Variants in ZFPM1 observed in about 807,000 individuals in gnomAD.
ZFPM1 encodes the protein zinc finger protein, FOG family member 1.
A neutral mutation model predicts 46.3 loss-of-function variants in ZFPM1; 28 were observed. The ratio of observed to expected loss-of-function variants is 0.60; its 90% CI spans 0.45 to 0.83. ZFPM1 has a LOEUF of 0.83. Ranked by LOEUF, ZFPM1 falls within the 40% of genes least tolerant of loss-of-function variation. ZFPM1 has a pLI of 0.00. For synonymous variants in ZFPM1, 957 were observed against 675.9 expected, an observed-to-expected ratio of 1.42 and a Z score of -6.45; for missense variants, 1,878 against 1,432.4, an observed-to-expected ratio of 1.31 and a Z score of -5.02.
intron 3 of ZFPM1, among the ~76,000 whole-genome samples, chr16:88,503,386 G>GC (rs1443922387): frequency 7.1e-6 from 1 of 141,422 alleles, no homozygotes; most frequent in African/African-American, 2.7e-5. Context: ...TGTCTGGGGG[G>GC]CCACGGTTCC....
chr16:88,485,852 G>C, intron 1 of ZFPM1, 87 bp from the exon 2 acceptor site: 1 of 1,296,098 alleles, frequency 7.7e-7, no homozygotes, highest in Non-Finnish European at 1.1e-6. Context: ...CCTGGGCACC[G>C]GGGCTGTACC....
chr16:88,495,136 C>T (rs1909864841), intron 3 of ZFPM1, among the ~76,000 whole-genome samples: 1 of 152,208 alleles, frequency 6.6e-6, no homozygotes, highest in Non-Finnish European at 1.5e-5. Flanking sequence ...GGCGCTCAGA[C>T]GTGCCAGCCC....
rs189448415 is a variant in ZFPM1, at chr16:88,518,073, C to T, written c.402+3553C>T. On this transcript the variant is annotated intron_variant, in intron 4 of 9. Transcript: ENST00000319555. ...AAAAAAAATTAGCCGGGCATGGTGGCGGGCGCCTGTAGCCCCAGCTACTCG... is the reference window on the plus strand; with the variant it reads ...AAAAAAAATTAGCCGGGCATGGTGGTGGGCGCCTGTAGCCCCAGCTACTCG... Among the ~76,000 whole-genome samples, 16 of 152,136 alleles carry T rather than the reference C, an allele frequency of 1.1e-4. 1 individual carries two copies. The highest frequency in any genetic ancestry group is 7.2e-4 in the Admixed American group (11 of 15,274).
At chr16:88,463,383 T>G (rs1293102503) in intron 1 of ZFPM1, among the ~76,000 whole-genome samples, 1 of 152,148 alleles carries the variant, frequency 6.6e-6, no homozygotes, top group Non-Finnish European at 1.5e-5. Flanking sequence ...AAGCCAAGAC[T>G]CAGAGCCATC....
chr16:88,511,590 G>A (rs891611089), intron 3 of ZFPM1, among the ~76,000 whole-genome samples: 1 of 152,140 alleles, frequency 6.6e-6, no homozygotes, highest in African/African-American at 2.4e-5. Flanking sequence ...TCCTCAGGAG[G>A]CACCCCATCT....
chr16:88,489,559 G>A lies in ZFPM1; in HGVS notation c.268+406G>A, dbSNP rs551012284. Among the ~76,000 whole-genome samples, 10 of 152,338 alleles carry A rather than the reference G, an allele frequency of 6.6e-5. No homozygotes were observed. In the East Asian group the frequency reaches 9.7e-4, roughly 15 times the overall value. On this transcript the variant is annotated intron_variant, in intron 3 of 9. Transcript: ENST00000319555. Reference sequence around the variant, plus strand: ...CCGGGATTCAGAGCTGTGCTGAGGTGCCCAGGCAGGCGGTCAGGCCTGAAG... The same window carrying A: ...CCGGGATTCAGAGCTGTGCTGAGGTACCCAGGCAGGCGGTCAGGCCTGAAG...
chr16:88,518,228 G>A (rs1381163596), intron 4 of ZFPM1, among the ~76,000 whole-genome samples: 1 of 152,000 alleles, frequency 6.6e-6, no homozygotes, highest in African/African-American at 2.4e-5. Flanking sequence ...ATGAGTGGGT[G>A]AATGCGTAGA....
Position 88,534,745 on chromosome 16 carries a change from G to A in ZFPM1, c.2787G>A (p.Pro929=). ...TCGGCCCGGAGCCCCAGGAGCCGCC[G>A]CCCGGCCCGCCCCCGTCCCCGGCCG... ...DGLGPEPQEP[P]PGPPPSPAAA... is the part of the protein sequence containing the mutation. The change falls in exon 10 of 10, where the codon CCG becomes CCA. Residue 929 remains proline, a synonymous_variant. Coordinates refer to ENST00000319555, the MANE Select transcript of ZFPM1 (RefSeq NM_153813.3). The A allele has an allele frequency of 1.0e-6, 1 of 998,658 alleles. No homozygotes were observed. The highest frequency in any genetic ancestry group is 9.9e-5 in the East Asian group (1 of 10,076). The allele number at this position is 998,658 out of a possible 1,614,324, so 61.9% of individuals were successfully genotyped here.
intron 3 of ZFPM1, among the ~76,000 whole-genome samples, chr16:88,493,533 C>T (rs1329391750): frequency 1.0e-5 from 1 of 98,726 alleles, no homozygotes; most frequent in Non-Finnish European, 2.1e-5. Context: ...GGAGCTGTCC[C>T]GGGGTGGGGA....
rs1567529355 is a variant in ZFPM1 at position 88,471,484 on chromosome 16, C to A, written c.41-14455C>A. On this transcript the variant is annotated intron_variant, in intron 1 of 9. Coordinates refer to ENST00000319555, the MANE Select transcript of ZFPM1 (RefSeq NM_153813.3). This position sits in a 1 kb window ranked among gnomAD's most constrained non-coding sequence, Gnocchi z 4.1. Reference sequence around the variant, plus strand: ...TGCTCACAGTGGGGGATGCCAGGACCCCGAGACGACCATGCCCACAGTGGC... The same window carrying A: ...TGCTCACAGTGGGGGATGCCAGGACACCGAGACGACCATGCCCACAGTGGC... Among the ~76,000 whole-genome samples the A allele has an allele frequency of 6.6e-6, 1 of 150,948 alleles. No individual in the cohort carries two copies. The highest frequency in any genetic ancestry group is 1.5e-5 in the Non-Finnish European group (1 of 67,992).
At chr16:88,473,933 C>T (rs1908544800) in intron 1 of ZFPM1, among the ~76,000 whole-genome samples, 2 of 152,160 alleles carry the variant, frequency 1.3e-5, no homozygotes, top group Admixed American at 1.3e-4. Context: ...GTTTAGTAAT[C>T]GGTTCTCCGG....
chr16:88,468,807 TG>T (rs554674266), intron 1 of ZFPM1: 163 of 152,510 alleles, frequency 1.1e-3, no homozygotes, highest in Non-Finnish European at 2.0e-3. Flanking sequence ...AGCTGCTGTG[TG>T]GGGGCAGGGC....
chr16:88,534,833 ACT>A lies in ZFPM1; in HGVS notation c.2877_2878del (p.Pro960GlnfsTer116). 1 of 1,546,136 alleles carries A rather than the reference ACT, an allele frequency of 6.5e-7. No homozygotes were observed. Among genetic ancestry groups the A allele is most frequent in the Non-Finnish European group, 8.7e-7 (1 of 1,153,752 alleles). Reference sequence around the variant, plus strand: ...CTCCTACTCGGACAAGGGCGTCCAGACTCCCAGCAAGGGCACGCCGGCGCCGC... The same window carrying A: ...CTCCTACTCGGACAAGGGCGTCCAGACCCAGCAAGGGCACGCCGGCGCCGC... ...PPSYSDKGVQ[T>X]PSKGTPAPLP... On this transcript the variant is annotated frameshift_variant, in exon 10 of 10. Coordinates refer to ENST00000319555, the MANE Select transcript of ZFPM1 (RefSeq NM_153813.3). LOFTEE classifies it low-confidence loss of function (END_TRUNC).
At chr16:88,505,674 C>A (rs76207867) in intron 3 of ZFPM1, among the ~76,000 whole-genome samples, 1 of 152,198 alleles carries the variant, frequency 6.6e-6, no homozygotes, top group African/African-American at 2.4e-5. Context: ...GCCAGCACCC[C>A]CTGCCGTCAG....
intron 3 of ZFPM1, among the ~76,000 whole-genome samples, chr16:88,490,091 T>C (rs1159853540): frequency 6.6e-6 from 1 of 151,472 alleles, no homozygotes; most frequent in Non-Finnish European, 1.5e-5. Flanking sequence ...TCTCACTCTG[T>C]CGCCCAGGCT....
chr16:88,510,386 G>C (rs3965782), intron 3 of ZFPM1, among the ~76,000 whole-genome samples: 2 of 152,150 alleles, frequency 1.3e-5, no homozygotes, highest in Non-Finnish European at 2.9e-5. Context: ...CCTGGTCCTC[G>C]GTCCCCCACT....
chr16:88,528,987 T>A (rs1912566703), intron 6 of ZFPM1, among the ~76,000 whole-genome samples: 1 of 151,974 alleles, frequency 6.6e-6, no homozygotes, highest in African/African-American at 2.4e-5. Flanking sequence ...GAATCATGAG[T>A]CACTCACCCC....
chr16:88,455,505 C>T (rs1907505593), intron 1 of ZFPM1, among the ~76,000 whole-genome samples: 1 of 151,984 alleles, frequency 6.6e-6, no homozygotes, highest in African/African-American at 2.4e-5. Flanking sequence ...TGATTGTCAC[C>T]AAGCGGCGGC....
chr16:88,467,487 C>T (rs76384389), intron 1 of ZFPM1, among the ~76,000 whole-genome samples: 7,563 of 152,334 alleles, frequency 0.05, 264 homozygotes, highest in Non-Finnish European at 0.076. Context: ...CTTCTCTGGG[C>T]TTTGCTGCCT....
Sources: gnomAD v4.1 joint callset for allele counts (sites outside exome capture counted in the v4.1 genomes callset) on GRCh38, gnomAD v4.1.1 for gene constraint, Gnocchi (gnomAD v3.1) non-coding constraint, MANE v1.5 for transcripts, NCBI Gene and HGNC (gene_info 2026-07-23, HGNC 2026-07-21) for gene names.